Variants in TM6SF1 observed in about 807,000 individuals in gnomAD.
TM6SF1 encodes transmembrane 6 superfamily member 1.
A neutral mutation model predicts 47.1 loss-of-function variants in TM6SF1; 43 were observed. That is an observed-to-expected ratio of 0.91 (90% CI 0.72 to 1.18). The LOEUF is 1.18. Ranked by LOEUF, TM6SF1 falls within the 50% of genes most tolerant of loss-of-function variation. TM6SF1 has a pLI of 0.00. For missense variants in TM6SF1, 390 were observed against 449.0 expected (o/e 0.87, Z 1.19); for synonymous variants, 177 against 166.3 (o/e 1.06, Z -0.49).
chr15:83,107,757 T>C lies in TM6SF1; in HGVS notation c.77T>C (p.Leu26Pro). 1 of 1,582,484 alleles carries C rather than the reference T, an allele frequency of 6.3e-7. No individual in the cohort carries two copies. The highest frequency in any genetic ancestry group is 8.6e-7 in the Non-Finnish European group (1 of 1,165,874). The change falls in exon 1 of 10, where the codon CTG (leucine) becomes CCG (proline). Residue 26 changes from leucine (L) to proline (P), a missense_variant. Coordinates refer to ENST00000322019, the MANE Select transcript of TM6SF1 (RefSeq NM_023003.5). This position sits in a 1 kb window ranked among gnomAD's most constrained non-coding sequence, Gnocchi z 5.6. ...AIPVTYVFNH[L>P]AAQHDSWTIV... ...CCGGTCACCTATGTCTTCAACCACC[T>C]GGCGGCCCAGCATGAGTGAGTGAGC... is the stretch of plus-strand genomic sequence containing the variant.
rs1392337690 is a variant in TM6SF1 at position 83,122,151 on chromosome 15, T to C, written c.481+148T>C. The C allele has an allele frequency of 6.9e-6, 5 of 720,582 alleles. No individual in the cohort carries two copies. The East Asian group carries it at 1.1e-4, about 16-fold the overall frequency. 44.6% of individuals were successfully genotyped at this position (720,582 alleles called of 1,614,324 possible). On this transcript the variant is annotated intron_variant, in intron 5 of 9. Coordinates refer to ENST00000322019, the MANE Select transcript of TM6SF1 (RefSeq NM_023003.5). ...TGCAGAATAATTCCTTTTTCTCACC[T>C]TTAAAAAAAGTACTTTTTAAGAAGT... is the stretch of plus-strand genomic sequence containing the variant.
intron 9 of TM6SF1, 24 bp from the exon 10 acceptor site, chr15:83,136,457 A>T (rs1567161942): frequency 2.7e-5 from 31 of 1,157,434 alleles, no homozygotes; most frequent in South Asian, 8.3e-5. Context: ...TGCTTACTCA[A>T]TTTTTTTTTT....
intron 9 of TM6SF1, 28 bp from the exon 10 acceptor site, chr15:83,136,453 C>CTCAAT: frequency 6.5e-7 from 1 of 1,531,606 alleles, no homozygotes; most frequent in Non-Finnish European, 8.8e-7. Context: ...TTCATGCTTA[C>CTCAAT]TCAATTTTTT....
Position 83,136,599 on chromosome 15 carries a change from A to G in TM6SF1, c.1040A>G (p.Gln347Arg), listed in dbSNP as rs1312334482. Residue 347 changes from glutamine to arginine, a missense_variant, in exon 10 of 10, where the codon CAG becomes CGG. By Grantham distance (43) the Gln-to-Arg change is conservative (BLOSUM62 1). Transcript: ENST00000322019. The stretch of plus-strand genomic sequence containing the variant: ...AACATAGCATATGGAGTTCTTCCTC[A>G]GCTCTTGGCCTATCGTTGTATCTAC... Reference protein sequence around the residue: ...ALNIAYGVLPQLLAYRCIYKP... With the variant: ...ALNIAYGVLPRLLAYRCIYKP... 3.1e-6 allele frequency: 5 copies of G among 1,613,672 alleles called. No homozygotes were observed. The East Asian group carries it at 1.1e-4, about 36-fold the overall frequency.
At chr15:83,115,809 CT>C in intron 2 of TM6SF1, 35 bp from the exon 3 acceptor site, 1 of 1,373,658 alleles carries the variant, frequency 7.3e-7, no homozygotes, top group Middle Eastern at 1.8e-4. Context: ...GTCTCCTGAG[CT>C]ATTGCTTTTT....
chr15:83,121,947 A>T lies in TM6SF1; in HGVS notation c.425A>T (p.Tyr142Phe), dbSNP rs747777206. 6.2e-7 allele frequency: 1 copy of T among 1,610,596 alleles called. No homozygotes were observed. The highest frequency in any genetic ancestry group is 8.5e-7 in the Non-Finnish European group (1 of 1,179,202). ...WEETYRTIGL[Y>F]WVGSIIMSVV... ...GAAACTTATAGAACCATTGGCCTATATTGGGTTGGATCTATTATTATGAGT... is the reference window on the plus strand; with the variant it reads ...GAAACTTATAGAACCATTGGCCTATTTTGGGTTGGATCTATTATTATGAGT... The change falls in exon 5 of 10, where the codon TAT becomes TTT. Residue 142 changes from tyrosine to phenylalanine, a missense_variant. Coordinates refer to ENST00000322019, the MANE Select transcript of TM6SF1 (RefSeq NM_023003.5).
chr15:83,132,664 G>GATTATAGGT (rs2036335009), intron 9 of TM6SF1: 1 of 152,108 alleles, frequency 6.6e-6, no homozygotes, highest in South Asian at 2.1e-4. Flanking sequence ...AAAGTGCTGG[G>GATTATAGGT]ATTATAGGTA....
intron 3 of TM6SF1, among the ~76,000 whole-genome samples, chr15:83,117,036 C>T (rs2034729939): frequency 6.6e-6 from 1 of 152,164 alleles, no homozygotes; most frequent in South Asian, 2.1e-4. Flanking sequence ...GTGAGAGACT[C>T]ACTCCAGGCA....
At chr15:83,118,888 T>C (rs1316001805) in intron 3 of TM6SF1, among the ~76,000 whole-genome samples, 1 of 152,152 alleles carries the variant, frequency 6.6e-6, no homozygotes, top group Non-Finnish European at 1.5e-5. Flanking sequence ...TAATCTTGTG[T>C]TCATAACATT....
intron 1 of TM6SF1, among the ~76,000 whole-genome samples, chr15:83,110,706 C>T (rs1208281213): frequency 6.6e-6 from 1 of 152,138 alleles, no homozygotes; most frequent in Admixed American, 6.5e-5. Flanking sequence ...TTCTTCAGCC[C>T]AGCATCATAC....
At chr15:83,135,489 C>T (rs944733243) in intron 9 of TM6SF1, 9 of 152,124 alleles carry the variant, frequency 5.9e-5, no homozygotes, top group Non-Finnish European at 1.0e-4. Context: ...TCATGTGTAT[C>T]TTGAATTTCA....
chr15:83,125,825 G>C (rs1476391382), intron 7 of TM6SF1, among the ~76,000 whole-genome samples: 1 of 152,166 alleles, frequency 6.6e-6, no homozygotes, highest in Non-Finnish European at 1.5e-5. Flanking sequence ...AGGGTGAGAA[G>C]CTGTTTTAAG....
Position 83,124,692 on chromosome 15 carries a change from G to T in TM6SF1, c.624G>T (p.Ala208=). The stretch of plus-strand genomic sequence containing the variant: ...TTTAGGTTATTCAAGAAGCCCAAGC[G>T]AAAGACCTGCTGAGAAGACCATTTG... ...YPSKVIQEAQ[A]KDLLRRPFDL... Residue 208 remains alanine (A), a synonymous_variant, in exon 7 of 10, where the codon GCG becomes GCT. Coordinates refer to ENST00000322019, the MANE Select transcript of TM6SF1 (RefSeq NM_023003.5). The T allele has an allele frequency of 1.9e-6, 3 of 1,613,998 alleles. No individual in the cohort carries two copies. The highest frequency in any genetic ancestry group is 2.5e-6 in the Non-Finnish European group (3 of 1,179,956).
intron 3 of TM6SF1, among the ~76,000 whole-genome samples, chr15:83,118,596 G>C (rs1490324525): frequency 1.3e-5 from 2 of 152,186 alleles, no homozygotes; most frequent in African/African-American, 4.8e-5. Flanking sequence ...AGAGATGACA[G>C]AGCAGTCCTT....
At position 83,112,815 on chromosome 15, in the gene TM6SF1, G is replaced by C; in HGVS notation, c.111G>C (p.Gly37=). Residue 37 remains glycine, a synonymous_variant, in exon 2 of 10, where the codon GGG becomes GGC. Transcript: ENST00000322019. ...AAQHDSWTIV[G]VAALILFLVA... is the part of the protein sequence containing the mutation. The stretch of plus-strand genomic sequence containing the variant: ...GTTGCAGTTCCTGGACTATTGTAGG[G>C]GTTGCTGCCCTCATCCTGTTCCTGG... 6.2e-7 allele frequency: 1 copy of C among 1,613,986 alleles called. No individual in the cohort carries two copies. Among genetic ancestry groups the C allele is most frequent in the Non-Finnish European group, 8.5e-7 (1 of 1,179,886 alleles).
At chr15:83,125,165 G>C (rs897181910) in intron 7 of TM6SF1, among the ~76,000 whole-genome samples, 1 of 152,166 alleles carries the variant, frequency 6.6e-6, no homozygotes, top group Non-Finnish European at 1.5e-5. Flanking sequence ...TCAGGAGTAG[G>C]GGCAATGGGG....
At chr15:83,132,057 G>C (rs1472522628) in intron 9 of TM6SF1, 2 of 152,164 alleles carry the variant, frequency 1.3e-5, no homozygotes, top group Non-Finnish European at 2.9e-5. Flanking sequence ...CAATGACCTT[G>C]GCTACTTTAC....
chr15:83,116,618 T>A (rs1425596026), intron 3 of TM6SF1, among the ~76,000 whole-genome samples: 1 of 152,206 alleles, frequency 6.6e-6, no homozygotes, highest in Non-Finnish European at 1.5e-5. Flanking sequence ...CAGTGAAGAA[T>A]ACAGGCAGCT....
Position 83,119,603 on chromosome 15 carries a change from A to G in TM6SF1, c.320A>G (p.Tyr107Cys). The G allele has an allele frequency of 6.2e-7, 1 of 1,614,158 alleles. No individual in the cohort carries two copies. Among genetic ancestry groups the G allele is most frequent in the Non-Finnish European group, 8.5e-7 (1 of 1,180,026 alleles). ...REGEPYLNTAYGHMICYWDGS... is the reference protein window; with the variant it reads ...REGEPYLNTACGHMICYWDGS... ...GGTGAACCGTATCTGAACACCGCAT[A>G]TGGGCACATGATCTGCTACTGGGAT... The change falls in exon 4 of 10, where the codon TAT becomes TGT. Residue 107 changes from tyrosine (Y) to cysteine (C), a missense_variant. Coordinates refer to ENST00000322019, the MANE Select transcript of TM6SF1 (RefSeq NM_023003.5).
Sources: allele counts gnomAD v4.1 joint callset (sites outside exome capture counted in the v4.1 genomes callset), GRCh38; gene constraint gnomAD v4.1.1; non-coding constraint Gnocchi (gnomAD v3.1); transcripts MANE v1.5; gene names NCBI Gene and HGNC (gene_info 2026-07-23, HGNC 2026-07-21).